NCOA7: variants seen among roughly 807,000 people sequenced by gnomAD.
NCOA7 encodes the protein 140 kDa estrogen receptor-associated protein.
In NCOA7, 45 loss-of-function variants were observed where a neutral mutation model predicts 104.3. The observed-to-expected ratio is 0.43, with a 90% CI of 0.34 to 0.55. The LOEUF (loss-of-function observed/expected upper bound fraction) is 0.55, where lower values mean the gene tolerates loss of function less well. Among genes scored for constraint, NCOA7 ranks in the 20% least tolerant of loss-of-function variants. NCOA7 has a pLI of 0.02. For missense variants in NCOA7, 1,041 were observed against 1,119.7 expected, an observed-to-expected ratio of 0.93 and a Z score of 1.00; for synonymous variants, 398 against 402.3, an observed-to-expected ratio of 0.99 and a Z score of 0.13.
chr6:125,883,645 A>G (rs527799418), intron 7 of NCOA7, among the ~76,000 whole-genome samples: 2 of 151,268 alleles, frequency 1.3e-5, no homozygotes, highest in Admixed American at 6.6e-5. Context: ...CCTTCTATCT[A>G]ACTGTAAGTA....
chr6:125,895,909 G>A (rs1479128718), intron 10 of NCOA7, among the ~76,000 whole-genome samples: 3 of 151,490 alleles, frequency 2.0e-5, no homozygotes, highest in African/African-American at 7.3e-5. Context: ...CATGAGATAT[G>A]GCAGGGTCAC....
At chr6:125,897,604 A>G (rs1047545328) in intron 10 of NCOA7, among the ~76,000 whole-genome samples, 2 of 152,196 alleles carry the variant, frequency 1.3e-5, no homozygotes, top group African/African-American at 4.8e-5. Flanking sequence ...TATATATTTA[A>G]AGACATGTTA....
intron 1 of NCOA7, among the ~76,000 whole-genome samples, chr6:125,808,575 C>T (rs144004514): frequency 6.6e-6 from 1 of 152,204 alleles, no homozygotes; most frequent in East Asian, 1.9e-4. Flanking sequence ...TCCACAGCTC[C>T]CTCCCTCTGT....
intron 11 of NCOA7, 131 bp from the exon 12 acceptor site, chr6:125,920,812 C>T: frequency 8.6e-7 from 1 of 1,157,008 alleles, no homozygotes; most frequent in Non-Finnish European, 1.2e-6. Flanking sequence ...TCCCCAAAGT[C>T]CTGTTCAGTT....
At chr6:125,862,666 T>A (rs1782156203) in intron 3 of NCOA7, among the ~76,000 whole-genome samples, 1 of 138,064 alleles carries the variant, frequency 7.2e-6, no homozygotes, top group Admixed American at 6.9e-5. Context: ...TTTGATAACA[T>A]TTTCAACATT....
At chr6:125,871,731 C>T (rs561495959) in intron 3 of NCOA7, among the ~76,000 whole-genome samples, 15 of 152,232 alleles carry the variant, frequency 9.9e-5, no homozygotes, top group African/African-American at 3.6e-4. Flanking sequence ...TGCAGTGGCT[C>T]CCACCTGTAA....
intron 7 of NCOA7, 158 bp downstream of exon 7, chr6:125,882,709 G>A (rs2128648710): frequency 1.4e-6 from 1 of 740,208 alleles, no homozygotes; most frequent in African/African-American, 1.8e-5. Context: ...TGGATGCCTG[G>A]AATTTTACTT....
In NCOA7 at chr6:125,927,734, C is replaced by T. The variant is rs1037286239; in HGVS notation, c.2595C>T (p.Leu865=). 6.2e-7 allele frequency: 1 copy of T among 1,613,906 alleles called. No homozygotes were observed. Residue 865 remains leucine (L), a synonymous_variant, in exon 14 of 16, where the codon CTC becomes CTT. Coordinates refer to ENST00000392477, the MANE Select transcript of NCOA7 (RefSeq NM_181782.5). Reference sequence around the variant, plus strand: ...ATTATGGCACAGGCGAAACTTTTCTCTACACATTCAGCCCTCATTTTAAGG... The same window carrying T: ...ATTATGGCACAGGCGAAACTTTTCTTTACACATTCAGCCCTCATTTTAAGG... The part of the protein sequence containing the change: ...DHYYGTGETF[L]YTFSPHFKVF...
At chr6:125,805,461 G>A (rs1224912311) in intron 1 of NCOA7, among the ~76,000 whole-genome samples, 1 of 152,134 alleles carries the variant, frequency 6.6e-6, no homozygotes, top group African/African-American at 2.4e-5. Flanking sequence ...AAAATTATGT[G>A]TAGTAATAGC....
chr6:125,912,751 C>CAT (rs1276539721), intron 10 of NCOA7, among the ~76,000 whole-genome samples: 1 of 152,190 alleles, frequency 6.6e-6, no homozygotes, highest in African/African-American at 2.4e-5. Flanking sequence ...TTCCAAAGGA[C>CAT]TATGCAAGCC....
At chr6:125,820,793 G>A (rs1425287465) in intron 2 of NCOA7, among the ~76,000 whole-genome samples, 3 of 152,154 alleles carry the variant, frequency 2.0e-5, no homozygotes, top group African/African-American at 7.2e-5. Context: ...AACACTTAAC[G>A]ACAATCCAAA....
intron 11 of NCOA7, among the ~76,000 whole-genome samples, chr6:125,918,150 T>C (rs1290684090): frequency 6.6e-6 from 1 of 152,224 alleles, no homozygotes; most frequent in East Asian, 1.9e-4. Context: ...AGTGAGTTTG[T>C]GATCCCAAGA....
At chr6:125,823,419 C>T (rs1778379416) in intron 2 of NCOA7, among the ~76,000 whole-genome samples, 1 of 152,046 alleles carries the variant, frequency 6.6e-6, no homozygotes, top group African/African-American at 2.4e-5. Flanking sequence ...ATTTCAAAAC[C>T]ATTTTCTATG....
rs959396838 is a variant in NCOA7, at chr6:125,782,864, T to C, written c.-142+1493T>C. Among the ~76,000 whole-genome samples, 3 of 152,184 alleles carry C rather than the reference T, an allele frequency of 2.0e-5. No individual in the cohort carries two copies. The East Asian group carries it at 5.8e-4, about 29-fold the overall frequency. Reference sequence around the variant, plus strand: ...TCACCTTACATGGCAAAAGGAACTTTGCAAATGTGATTAAGATTTTGAGAT... The same window carrying C: ...TCACCTTACATGGCAAAAGGAACTTCGCAAATGTGATTAAGATTTTGAGAT... On this transcript the variant is annotated intron_variant, in intron 1 of 16. Transcript: ENST00000368357.
intron 11 of NCOA7, among the ~76,000 whole-genome samples, chr6:125,920,084 G>A (rs756312125): frequency 2.6e-5 from 4 of 152,210 alleles, no homozygotes; most frequent in Non-Finnish European, 5.9e-5. Flanking sequence ...GGATTTTAGA[G>A]TAAAATGAAC....
intron 10 of NCOA7, among the ~76,000 whole-genome samples, chr6:125,894,758 G>A (rs1382313981): frequency 6.6e-6 from 1 of 151,488 alleles, no homozygotes; most frequent in Non-Finnish European, 1.5e-5. Context: ...TGTGCTGGCA[G>A]CAAGCTGTAC....
At chr6:125,869,296 G>A (rs1782683087) in intron 3 of NCOA7, among the ~76,000 whole-genome samples, 1 of 152,134 alleles carries the variant, frequency 6.6e-6, no homozygotes, top group Non-Finnish European at 1.5e-5. Context: ...TATCTAGCCA[G>A]TTCGTTTCTT....
chr6:125,902,109 T>C (rs972641328), intron 10 of NCOA7, among the ~76,000 whole-genome samples: 1 of 151,882 alleles, frequency 6.6e-6, no homozygotes, highest in African/African-American at 2.4e-5. Flanking sequence ...AAAGTAACAT[T>C]TGGGGGGAAA....
At chr6:125,896,506 T>G (rs1785028995) in intron 10 of NCOA7, among the ~76,000 whole-genome samples, 1 of 152,116 alleles carries the variant, frequency 6.6e-6, no homozygotes, top group Non-Finnish European at 1.5e-5. Context: ...AAATAGATTT[T>G]ATGGCTGGGC....
Sources: gnomAD v4.1 joint callset for allele counts (sites outside exome capture counted in the v4.1 genomes callset) on GRCh38, gnomAD v4.1.1 for gene constraint, MANE v1.5 for transcripts, NCBI Gene and HGNC (gene_info 2026-07-23, HGNC 2026-07-21) for gene names.